Variants in GRID1 observed in about 807,000 individuals in gnomAD.
The protein encoded by GRID1 is glutamate receptor ionotropic, delta-1.
Under a neutral mutation model 98.0 loss-of-function variants are expected in GRID1, and 28 were observed. The ratio of observed to expected loss-of-function variants is 0.29; its 90% confidence interval spans 0.21 to 0.39. The LOEUF (loss-of-function observed/expected upper bound fraction) is 0.39. GRID1 is among the 10% of genes least tolerant of loss of function. The probability of loss-of-function intolerance (pLI) is 1.00; values close to 1 mark genes in which losing one functional copy is unlikely to be tolerated. For missense variants in GRID1, 1,111 were observed against 1,340.5 expected, an observed-to-expected ratio of 0.83 and a Z score of 2.67; for synonymous variants, 553 against 538.5, an observed-to-expected ratio of 1.03 and a Z score of -0.37.
At chr10:85,932,356 C>A (rs978473453) in intron 4 of GRID1, among the ~76,000 whole-genome samples, 4 of 152,178 alleles carry the variant, frequency 2.6e-5, no homozygotes, top group African/African-American at 9.7e-5. Context: ...TTACTACAGG[C>A]ACATGCTACA....
chr10:85,980,213 CCCCA>C (rs1842527861), intron 4 of GRID1, among the ~76,000 whole-genome samples: 1 of 152,186 alleles, frequency 6.6e-6, no homozygotes, highest in Non-Finnish European at 1.5e-5. Flanking sequence ...GGTGGGATTC[CCCCA>C]TGCCCATCTC....
chr10:85,629,642 T>C (rs568616729), intron 13 of GRID1, among the ~76,000 whole-genome samples: 45 of 152,384 alleles, frequency 3.0e-4, no homozygotes, highest in African/African-American at 8.7e-4. Context: ...AATCAACAGA[T>C]TGATTTCATA....
chr10:86,023,824 A>T (rs1843081398), intron 4 of GRID1, among the ~76,000 whole-genome samples: 1 of 152,154 alleles, frequency 6.6e-6, no homozygotes, highest in Non-Finnish European at 1.5e-5. Flanking sequence ...TTCCCTTCAG[A>T]TGAATCAAGT....
intron 2 of GRID1, among the ~76,000 whole-genome samples, chr10:86,305,934 C>A (rs1051714341): frequency 1.3e-5 from 2 of 152,212 alleles, no homozygotes; most frequent in Non-Finnish European, 2.9e-5. Flanking sequence ...GACCTTGATA[C>A]AAGACATTTA....
At chr10:86,059,950 C>T (rs1843626755) in intron 4 of GRID1, among the ~76,000 whole-genome samples, 2 of 152,162 alleles carry the variant, frequency 1.3e-5, no homozygotes, top group Admixed American at 1.3e-4. Context: ...GATAAATTCT[C>T]CAGTGACAGC....
intron 2 of GRID1, among the ~76,000 whole-genome samples, chr10:86,240,081 C>CTGAGGTTG (rs1846602962): frequency 6.6e-6 from 1 of 152,202 alleles, no homozygotes; most frequent in Admixed American, 6.5e-5. Flanking sequence ...CCTGCCAACA[C>CTGAGGTTG]ATTGATCTTA....
chr10:85,874,267 T>C (rs547407693), intron 5 of GRID1, among the ~76,000 whole-genome samples: 2 of 152,320 alleles, frequency 1.3e-5, no homozygotes, highest in Non-Finnish European at 2.9e-5. Flanking sequence ...TTATATTCTA[T>C]ATTTTGCTAT....
rs77318574 is a variant in GRID1 at position 85,778,873 on chromosome 10, A to G, written c.1234-49259T>C. Among the ~76,000 whole-genome samples the G allele has an allele frequency of 1.4e-3, 206 of 152,284 alleles. 4 individuals are homozygous for G. The East Asian group carries it at 0.032, about 23-fold the overall frequency. ...CTCCCTTCTGCAAAATGGGGCCAAT[A>G]TCAGTGCTTAATCATGGAAGACCAG... On this transcript the variant is annotated intron_variant, in intron 8 of 15. Transcript: ENST00000327946.
intron 2 of GRID1, among the ~76,000 whole-genome samples, chr10:86,275,652 G>A (rs941248772): frequency 2.0e-5 from 3 of 152,068 alleles, no homozygotes; most frequent in Non-Finnish European, 4.4e-5. Context: ...AATTCATTAG[G>A]GGGTTAAAGA....
intron 8 of GRID1, among the ~76,000 whole-genome samples, chr10:85,843,418 A>G (rs1292979560): frequency 2.0e-5 from 3 of 152,104 alleles, no homozygotes; most frequent in Non-Finnish European, 4.4e-5. Flanking sequence ...ATGATATATA[A>G]AAGGAAAAAT....
Position 85,856,268 on chromosome 10 carries a change from AG to A in GRID1, c.952-79del, listed in dbSNP as rs1273341580. On this transcript the variant is annotated intron_variant, in intron 6 of 15. Coordinates refer to ENST00000327946, the MANE Select transcript of GRID1 (RefSeq NM_017551.3). ...TTTGGAGAAACCCACAGAAAGGAGG[AG>A]GAATGCAGGATGCCAACATTAAGCT... The A allele has an allele frequency of 7.9e-6, 10 of 1,265,134 alleles. No individual in the cohort carries two copies. The African/African-American group carries it at 1.5e-4, about 19-fold the overall frequency. The allele number at this position is 1,265,134 out of a possible 1,614,324, so 78.4% of individuals were successfully genotyped here.
intron 8 of GRID1, among the ~76,000 whole-genome samples, chr10:85,762,802 T>G (rs1842159343): frequency 6.6e-6 from 1 of 152,080 alleles, no homozygotes; most frequent in Non-Finnish European, 1.5e-5. Flanking sequence ...AAGAAGTGAG[T>G]GCCTGTTGTG....
chr10:86,134,811 G>T (rs1248572539), intron 4 of GRID1, among the ~76,000 whole-genome samples: 1 of 152,172 alleles, frequency 6.6e-6, no homozygotes, highest in Non-Finnish European at 1.5e-5. Context: ...ACCTTCTGAT[G>T]ATCCCATCTC....
chr10:85,665,453 A>G (rs1212907526), intron 12 of GRID1, among the ~76,000 whole-genome samples: 6 of 152,160 alleles, frequency 3.9e-5, no homozygotes, highest in Non-Finnish European at 7.4e-5. Flanking sequence ...TTTAATAACA[A>G]CTTAGTCCCA....
intron 3 of GRID1, among the ~76,000 whole-genome samples, chr10:86,180,106 G>C (rs547254762): frequency 2.6e-5 from 4 of 152,206 alleles, no homozygotes; most frequent in African/African-American, 7.2e-5. Flanking sequence ...GCTGGACAAA[G>C]GGAGGCCAGC....
intron 5 of GRID1, among the ~76,000 whole-genome samples, chr10:85,895,461 T>C (rs1446783504): frequency 6.6e-6 from 1 of 152,076 alleles, no homozygotes; most frequent in Non-Finnish European, 1.5e-5. Context: ...CAGAATATCC[T>C]CCCACCCATG....
chr10:85,899,764 C>T (rs900900636), intron 5 of GRID1, among the ~76,000 whole-genome samples: 3 of 152,266 alleles, frequency 2.0e-5, no homozygotes, highest in Non-Finnish European at 4.4e-5. Context: ...CCCCATGGGC[C>T]TCACACAGTG....
chr10:85,976,839 G>A (rs1842479381), intron 4 of GRID1, among the ~76,000 whole-genome samples: 3 of 152,250 alleles, frequency 2.0e-5, no homozygotes, highest in Admixed American at 2.0e-4. Context: ...GGCTAAGACA[G>A]GAGTGCTGTG....
At chr10:85,862,176 G>A (rs1843169310) in intron 6 of GRID1, among the ~76,000 whole-genome samples, 1 of 152,030 alleles carries the variant, frequency 6.6e-6, no homozygotes, top group South Asian at 2.1e-4. Flanking sequence ...GCTACAACAT[G>A]GAAATTAAAA....
Sources: gnomAD v4.1 joint callset for allele counts (sites outside exome capture counted in the v4.1 genomes callset) on GRCh38, gnomAD v4.1.1 for gene constraint, MANE v1.5 for transcripts, NCBI Gene and HGNC (gene_info 2026-07-23, HGNC 2026-07-21) for gene names.